The following GOLGA8M variants were observed in gnomAD, a reference collection of about 807,000 sequenced individuals.
The protein encoded by GOLGA8M is golgin subfamily A member 8M.
A neutral mutation model predicts 87.7 loss-of-function variants in GOLGA8M; 34 were observed. The ratio of observed to expected loss-of-function variants is 0.39; its 90% CI spans 0.29 to 0.52. The LOEUF (loss-of-function observed/expected upper bound fraction) is 0.52, where lower values mean the gene tolerates loss of function less well. GOLGA8M is among the 20% of genes least tolerant of loss of function. The pLI is 0.80. For synonymous variants in GOLGA8M, 138 were observed against 250.2 expected (o/e 0.55, Z 4.23); for missense variants, 396 against 682.2 (o/e 0.58, Z 4.67).
At chr15:28,703,052 G>A (rs1371083445) in intron 15 of GOLGA8M, 1 of 909,662 alleles carries the variant, frequency 1.1e-6, no homozygotes, top group Non-Finnish European at 1.3e-6. Flanking sequence ...CAGCGGACTT[G>A]AGAAATGCCA....
intron 1 of GOLGA8M, chr15:28,711,792 G>A (rs2080203669): frequency 1.3e-4 from 131 of 983,312 alleles, no homozygotes; most frequent in Non-Finnish European, 1.5e-4. Flanking sequence ...CACGATGGGG[G>A]AGGGAAGCAC....
chr15:28,702,577 G>A lies in GOLGA8M; in HGVS notation c.1470-15C>T, dbSNP rs1233846720. On this transcript the variant is annotated splice_polypyrimidine_tract_variant and intron_variant, in intron 16 of 18. Coordinates refer to ENST00000563027, the MANE Select transcript of GOLGA8M (RefSeq NM_001282468.3). Reference sequence around the variant, plus strand: ...GATGGATTTTCCTGCGGGAGGACGGGGCTCAGACGCTGGGGCCCCTCCGAC... The same window carrying A: ...GATGGATTTTCCTGCGGGAGGACGGAGCTCAGACGCTGGGGCCCCTCCGAC... 3.1e-6 allele frequency: 5 copies of A among 1,608,852 alleles called. 1 individual carries two copies. The highest frequency in any genetic ancestry group is 3.3e-5 in the Admixed American group (2 of 60,006).
chr15:28,699,413 G>A lies in GOLGA8M; in HGVS notation c.*2541C>T, dbSNP rs1254797595. 6.8e-6 allele frequency among the ~76,000 whole-genome samples: 1 copy of A among 146,720 alleles called. No individual in the cohort carries two copies. The highest frequency in any genetic ancestry group is 2.5e-5 in the African/African-American group (1 of 39,362). Reference sequence around the variant, plus strand: ...AGAGCACAAATACTCGGCTGAATGAGGTATCGCAAAAGACTGCATGCACTT... The same window carrying A: ...AGAGCACAAATACTCGGCTGAATGAAGTATCGCAAAAGACTGCATGCACTT... On this transcript the variant is annotated 3_prime_UTR_variant, in exon 19 of 19. Coordinates refer to ENST00000563027, the MANE Select transcript of GOLGA8M (RefSeq NM_001282468.3).
chr15:28,711,668 C>G (rs1014403035), intron 1 of GOLGA8M: 4 of 984,446 alleles, frequency 4.1e-6, no homozygotes, highest in Non-Finnish European at 4.8e-6. Flanking sequence ...GTCATAAGAT[C>G]AAAGGCCAGT....
chr15:28,711,670 A>T, intron 1 of GOLGA8M: 1 of 984,576 alleles, frequency 1.0e-6, no homozygotes, highest in Non-Finnish European at 1.2e-6. Context: ...CATAAGATCA[A>T]AGGCCAGTCT....
Position 28,702,891 on chromosome 15 carries a change from A to G in GOLGA8M, c.1369-146T>C, listed in dbSNP as rs941056235. 6 of 1,535,584 alleles carry G rather than the reference A, an allele frequency of 3.9e-6. 1 individual carries two copies. In the South Asian group the frequency reaches 7.2e-5, roughly 18 times the overall value. On this transcript the variant is annotated intron_variant, in intron 15 of 18. Coordinates refer to ENST00000563027, the MANE Select transcript of GOLGA8M (RefSeq NM_001282468.3). ...GGGCCCAGTGGGTCTCCCCACTCAC[A>G]GACTCGCCCCCAGGCCCTGGGGCTG...
In GOLGA8M at chr15:28,702,713, T is replaced by G. The variant is rs757619592; in HGVS notation, c.1401A>C (p.Ala467=). The G allele has an allele frequency of 1.2e-5, 20 of 1,602,468 alleles. No individual in the cohort carries two copies. Among genetic ancestry groups the G allele is most frequent in the Admixed American group, 5.0e-5 (3 of 59,858 alleles). ...GTTTCTTCACAAGCTCACTCAGGTC[T>G]GCCTTCTCCTCCAGGTGGTCCATAA... The part of the protein sequence containing the change: ...SSFMDHLEEK[A]DLSELVKKQE... Residue 467 remains alanine, a synonymous_variant, in exon 16 of 19, where the codon GCA becomes GCC. Transcript: ENST00000563027.
rs1244831276 is a variant in GOLGA8M, at chr15:28,702,078, T to G, written c.1775A>C (p.Asp592Ala). The G allele has an allele frequency of 6.3e-7, 1 of 1,589,856 alleles. No homozygotes were observed. Among genetic ancestry groups the G allele is most frequent in the East Asian group, 2.2e-5 (1 of 44,546 alleles). The change falls in exon 19 of 19, where the codon GAT becomes GCT. Residue 592 changes from aspartate (D) to alanine (A), a missense_variant. Coordinates refer to ENST00000563027, the MANE Select transcript of GOLGA8M (RefSeq NM_001282468.3). The part of the protein sequence containing the change: ...TSSAQGEARE[D>A]PLLDKPTAQP... ...TGCAGTAGGCTTGTCAAGGAGAGGATCCTCCCTGGCCTCTCCTTGGGCAGA... is the reference window on the plus strand; with the variant it reads ...TGCAGTAGGCTTGTCAAGGAGAGGAGCCTCCCTGGCCTCTCCTTGGGCAGA...
At position 28,701,291 on chromosome 15, in the gene GOLGA8M, C is replaced by A. The variant is rs150729078; in HGVS notation, c.*663G>T. ...TGAAACACACTCTATCCTGCACATACCTGCCAGAGGAAGCCACTTTCCTCT... is the reference window on the plus strand; with the variant it reads ...TGAAACACACTCTATCCTGCACATAACTGCCAGAGGAAGCCACTTTCCTCT... On this transcript the variant is annotated 3_prime_UTR_variant, in exon 19 of 19. Transcript: ENST00000563027. Among the ~76,000 whole-genome samples, 60 of 151,508 alleles carry A rather than the reference C, an allele frequency of 4.0e-4. No homozygotes were observed. The East Asian group carries it at 0.011, about 29-fold the overall frequency.
At chr15:28,707,665 C>T in intron 8 of GOLGA8M, 83 bp downstream of exon 8, 1 of 1,290,502 alleles carries the variant, frequency 7.7e-7, no homozygotes, top group Non-Finnish European at 1.1e-6. Context: ...CAGGACACGC[C>T]ATCCTGCAGA....
rs1405140770 is a variant in GOLGA8M at position 28,702,648 on chromosome 15, T to C, written c.1466A>G (p.His489Arg). The change falls in exon 16 of 19, where the codon CAT (histidine) becomes CGT (arginine). Residue 489 changes from histidine (H) to arginine (R), a missense_variant. Physicochemically the swap from His to Arg is conservative, Grantham distance 29. Coordinates refer to ENST00000563027, the MANE Select transcript of GOLGA8M (RefSeq NM_001282468.3). Reference sequence around the variant, plus strand: ...CGTGCCCTGGCCTCCCACTCACTGATGGCATCTCTCTTGCCAGTATTGAAT... The same window carrying C: ...CGTGCCCTGGCCTCCCACTCACTGACGGCATCTCTCTTGCCAGTATTGAAT... Reference protein sequence around the residue: ...RFIQYWQERCHQKIHHLLSEP... With the variant: ...RFIQYWQERCRQKIHHLLSEP... 1.2e-6 allele frequency: 2 copies of C among 1,609,818 alleles called. No individual in the cohort carries two copies.
chr15:28,712,806 A>G (rs2080231566), upstream of GOLGA8M, among the ~76,000 whole-genome samples: 1 of 152,210 alleles, frequency 6.6e-6, no homozygotes, highest in South Asian at 2.1e-4. Flanking sequence ...TACATTTTTC[A>G]TCTTTGATTA....
At chr15:28,704,805 T>C (rs2943139) in intron 13 of GOLGA8M, among the ~76,000 whole-genome samples, 10 of 145,184 alleles carry the variant, frequency 6.9e-5, no homozygotes, top group East Asian at 2.5e-4. Flanking sequence ...CAGGCTGATC[T>C]CAAACTCCCG....
intron 13 of GOLGA8M, among the ~76,000 whole-genome samples, chr15:28,704,709 G>A (rs1014927385): frequency 7.0e-6 from 1 of 143,124 alleles, no homozygotes; most frequent in African/African-American, 2.7e-5. Flanking sequence ...TCCCGAGTAG[G>A]TGGAATTACA....
In GOLGA8M at chr15:28,698,668, A is replaced by G. The variant is rs1242974182; in HGVS notation, c.*3286T>C. On this transcript the variant is annotated 3_prime_UTR_variant, in exon 19 of 19. Coordinates refer to ENST00000563027, the MANE Select transcript of GOLGA8M (RefSeq NM_001282468.3). ...TTACAACTTTGTAAAAATGAAACACATTATCTCATGCCAAGCATGCCCAGC... is the reference window on the plus strand; with the variant it reads ...TTACAACTTTGTAAAAATGAAACACGTTATCTCATGCCAAGCATGCCCAGC... 6.8e-6 allele frequency among the ~76,000 whole-genome samples: 1 copy of G among 147,356 alleles called. No homozygotes were observed. The highest frequency in any genetic ancestry group is 2.6e-5 in the African/African-American group (1 of 38,180).
In GOLGA8M at chr15:28,702,551, T is replaced by G; in HGVS notation, c.1481A>C (p.His494Pro). Residue 494 changes from histidine (H) to proline (P), a missense_variant, in exon 17 of 19, where the codon CAC (histidine) becomes CCC (proline). His to Pro is a moderately conservative substitution (Grantham distance 77, BLOSUM62 -2). Around this residue, in one of 12 missense-constraint regions of GOLGA8M, gnomAD observed 173 missense variants for 150.2 expected, o/e 1.15. Coordinates refer to ENST00000563027, the MANE Select transcript of GOLGA8M (RefSeq NM_001282468.3). ...WQERCHQKIH[H>P]LLSEPGGRAK... The stretch of plus-strand genomic sequence containing the variant: ...ACGGCCCCCTGGTTCTGATAAAAGG[T>G]GATGGATTTTCCTGCGGGAGGACGG... 1.2e-6 allele frequency: 2 copies of G among 1,605,626 alleles called. No individual in the cohort carries two copies. Among genetic ancestry groups the G allele is most frequent in the Non-Finnish European group, 1.7e-6 (2 of 1,179,582 alleles).
At position 28,711,917 on chromosome 15, in the gene GOLGA8M, C is replaced by G; in HGVS notation, c.48+359G>C. 3 of 984,960 alleles carry G rather than the reference C, an allele frequency of 3.0e-6. No individual in the cohort carries two copies. The South Asian group carries it at 1.4e-4, about 46-fold the overall frequency. The allele number at this position is 984,960 out of a possible 1,614,324, so 61.0% of individuals were successfully genotyped here. Reference sequence around the variant, plus strand: ...AGCAGGGAGCCCCAGGAGTCACCAGCCCAAAGTCACCCAGGGATGATTGGC... The same window carrying G: ...AGCAGGGAGCCCCAGGAGTCACCAGGCCAAAGTCACCCAGGGATGATTGGC... On this transcript the variant is annotated intron_variant, in intron 1 of 18. Transcript: ENST00000563027.
In GOLGA8M at chr15:28,708,325, G is replaced by A. The variant is rs1164125892; in HGVS notation, c.348+50C>T. On this transcript the variant is annotated intron_variant, in intron 5 of 18. Coordinates refer to ENST00000563027, the MANE Select transcript of GOLGA8M (RefSeq NM_001282468.3). ...TGTGGGGATGGGGTGGAATCTGAAG[G>A]GTGAGCCTTCTTCCAGCAGTCATGT... 5.0e-6 allele frequency: 8 copies of A among 1,609,562 alleles called. No homozygotes were observed. In the South Asian group the frequency reaches 8.8e-5, roughly 18 times the overall value.
chr15:28,702,628 C>T lies in GOLGA8M; in HGVS notation c.1469+17G>A, dbSNP rs1374565174. The T allele has an allele frequency of 6.2e-7, 1 of 1,610,364 alleles. No individual in the cohort carries two copies. The highest frequency in any genetic ancestry group is 8.5e-7 in the Non-Finnish European group (1 of 1,179,976). ...GGTCCTGCAGCTCCCCCTGCCGTGCCCTGGCCTCCCACTCACTGATGGCAT... is the reference window on the plus strand; with the variant it reads ...GGTCCTGCAGCTCCCCCTGCCGTGCTCTGGCCTCCCACTCACTGATGGCAT... On this transcript the variant is annotated intron_variant, in intron 16 of 18. Coordinates refer to ENST00000563027, the MANE Select transcript of GOLGA8M (RefSeq NM_001282468.3).
Sources: allele counts gnomAD v4.1 joint callset (sites outside exome capture counted in the v4.1 genomes callset), GRCh38; gene constraint gnomAD v4.1.1; regional missense constraint gnomAD v4.1.1; transcripts MANE v1.5; gene names NCBI Gene and HGNC (gene_info 2026-07-23, HGNC 2026-07-21).